The following THAP12 variants were observed in gnomAD, a reference collection of about 807,000 sequenced individuals.
THAP12 encodes the protein THAP domain containing 12.
Under a neutral mutation model 63.0 loss-of-function variants are expected in THAP12, and 20 were observed. The observed-to-expected ratio is 0.32, with a 90% CI of 0.22 to 0.46. THAP12 has a LOEUF of 0.46. Ranked by LOEUF, THAP12 falls within the 20% of genes least tolerant of loss-of-function variation. The probability of loss-of-function intolerance (pLI) is 1.00; values close to 1 mark genes in which losing one functional copy is unlikely to be tolerated. For missense variants in THAP12, 568 were observed against 908.2 expected (o/e 0.63, Z 4.81); for synonymous variants, 264 against 328.4 (o/e 0.80, Z 2.12).
rs182602411 is a variant in THAP12 at position 76,377,123 on chromosome 11, C to G, written c.89+3625G>C. ...GCTCACTCCTTAGATAACCTTAACC[C>G]GTACCACGGTTTTAAATACCCTCTA... On this transcript the variant is annotated intron_variant, in intron 1 of 4. Coordinates refer to ENST00000260045, the MANE Select transcript of THAP12 (RefSeq NM_004705.4). Among the ~76,000 whole-genome samples, 923 of 152,278 alleles carry G rather than the reference C, an allele frequency of 6.1e-3. 6 individuals are homozygous for G. Among genetic ancestry groups the G allele is most frequent in the Non-Finnish European group, 0.011 (718 of 68,016 alleles).
At position 76,352,107 on chromosome 11, in the gene THAP12, A is replaced by G. The variant is rs770992036; in HGVS notation, c.1043T>C (p.Leu348Ser). The change falls in exon 5 of 5, where the codon TTA (leucine) becomes TCA (serine). Residue 348 changes from leucine to serine, a missense_variant. By Grantham distance (145) the Leu-to-Ser change is moderately radical (BLOSUM62 -2). Coordinates refer to ENST00000260045, the MANE Select transcript of THAP12 (RefSeq NM_004705.4). ...SKMKVVASRLLEKYPQAIYTL... is the reference protein window; with the variant it reads ...SKMKVVASRLSEKYPQAIYTL... ...GTAGATAGCTTGGGGATATTTCTCT[A>G]AAAGTCTAGAAGCAACAACTTTCAT... 7.4e-6 allele frequency: 12 copies of G among 1,611,664 alleles called. No homozygotes were observed. Among genetic ancestry groups the G allele is most frequent in the Admixed American group, 1.7e-5 (1 of 59,978 alleles).
At chr11:76,357,856 G>T (rs1014063002) in intron 3 of THAP12, 2 of 152,072 alleles carry the variant, frequency 1.3e-5, no homozygotes, top group African/African-American at 4.8e-5. Context: ...GGACCTAAGA[G>T]AGACTTTTAT....
At chr11:76,367,614 G>C (rs1351665428) in intron 1 of THAP12, among the ~76,000 whole-genome samples, 1 of 150,780 alleles carries the variant, frequency 6.6e-6, no homozygotes, top group Admixed American at 6.6e-5. Flanking sequence ...GTACAGATGG[G>C]GTTTCAGCAC....
At chr11:76,361,269 G>A (rs1946596180) in intron 2 of THAP12, 1 of 455,952 alleles carries the variant, frequency 2.2e-6, no homozygotes, top group Admixed American at 4.0e-5. Flanking sequence ...TATAAATTAA[G>A]AAACTGAATT....
intron 3 of THAP12, chr11:76,359,635 C>G (rs1048036101): frequency 6.6e-6 from 1 of 152,174 alleles, no homozygotes; most frequent in African/African-American, 2.4e-5. Context: ...GGAGACCAGC[C>G]TGGCTGACAT....
chr11:76,372,586 AT>A (rs1946682154), intron 1 of THAP12, among the ~76,000 whole-genome samples: 1 of 146,814 alleles, frequency 6.8e-6, no homozygotes, highest in African/African-American at 2.6e-5. Context: ...GAACTGTTAC[AT>A]TTAAAAAAAA....
At chr11:76,359,691 G>A (rs2134503539) in intron 3 of THAP12, 1 of 152,266 alleles carries the variant, frequency 6.6e-6, no homozygotes, top group South Asian at 2.1e-4. Flanking sequence ...GTCAGGCGTG[G>A]TGGTGAGCGC....
At chr11:76,365,325 G>A (rs951571382) in intron 2 of THAP12, among the ~76,000 whole-genome samples, 1 of 151,774 alleles carries the variant, frequency 6.6e-6, no homozygotes, top group Non-Finnish European at 1.5e-5. Context: ...GTTACCTTGG[G>A]TGAGTAGAAA....
At chr11:76,367,636 T>G (rs1434619108) in intron 1 of THAP12, among the ~76,000 whole-genome samples, 2 of 151,162 alleles carry the variant, frequency 1.3e-5, no homozygotes, top group East Asian at 3.9e-4. Flanking sequence ...TTGGCTAGCT[T>G]GGTCTCGAAC....
intron 1 of THAP12, among the ~76,000 whole-genome samples, chr11:76,373,172 C>A (rs1008543551): frequency 4.6e-5 from 7 of 151,562 alleles, no homozygotes; most frequent in Non-Finnish European, 7.4e-5. Flanking sequence ...ATGGCGAAAC[C>A]CTGTCTCTAC....
chr11:76,358,306 T>C (rs1459354987), intron 3 of THAP12: 1 of 151,914 alleles, frequency 6.6e-6, no homozygotes, highest in Non-Finnish European at 1.5e-5. Flanking sequence ...GATTCACAAA[T>C]GTAAAATCCT....
chr11:76,366,555 C>A (rs1946632553), intron 1 of THAP12, among the ~76,000 whole-genome samples: 1 of 152,182 alleles, frequency 6.6e-6, no homozygotes, highest in Non-Finnish European at 1.5e-5. Context: ...GCGGCGAGCG[C>A]CTGTAGTCCC....
chr11:76,364,537 A>C, intron 2 of THAP12: 1 of 256,626 alleles, frequency 3.9e-6, no homozygotes, highest in South Asian at 3.4e-5. Context: ...AGTTACACTG[A>C]AACAAGTCTG....
chr11:76,355,373 G>A (rs1946554309), intron 4 of THAP12, among the ~76,000 whole-genome samples: 1 of 152,236 alleles, frequency 6.6e-6, no homozygotes, highest in Non-Finnish European at 1.5e-5. Context: ...CACACTGAGA[G>A]AGGAGGCGTC....
chr11:76,372,416 A>AAG (rs1946680944), intron 1 of THAP12, among the ~76,000 whole-genome samples: 1 of 151,274 alleles, frequency 6.6e-6, no homozygotes, highest in Non-Finnish European at 1.5e-5. Flanking sequence ...CTAAAAAAAA[A>AAG]AAAGAGAGAG....
intron 4 of THAP12, among the ~76,000 whole-genome samples, chr11:76,353,365 T>G (rs1565231019): frequency 6.6e-6 from 1 of 152,330 alleles, no homozygotes; most frequent in East Asian, 1.9e-4. Flanking sequence ...ACAAGGACAC[T>G]AAGTAACTTG....
At chr11:76,378,675 G>A (rs1440650954) in intron 1 of THAP12, among the ~76,000 whole-genome samples, 3 of 151,438 alleles carry the variant, frequency 2.0e-5, no homozygotes, top group Admixed American at 6.6e-5. Context: ...GCAGTGGCAC[G>A]ATCTCGGCTC....
intron 1 of THAP12, among the ~76,000 whole-genome samples, chr11:76,379,728 C>T (rs968666506): frequency 3.9e-5 from 6 of 152,102 alleles, no homozygotes; most frequent in Non-Finnish European, 8.8e-5. Flanking sequence ...TATCATCATC[C>T]GACACACTAC....
intron 1 of THAP12, 70 bp from the exon 2 acceptor site, chr11:76,366,042 G>A: frequency 1.3e-6 from 2 of 1,518,336 alleles, no homozygotes; most frequent in Non-Finnish European, 1.8e-6. Flanking sequence ...CAGTTTTAAG[G>A]CAAACATACA....
Sources: allele counts gnomAD v4.1 joint callset (sites outside exome capture counted in the v4.1 genomes callset), GRCh38; gene constraint gnomAD v4.1.1; transcripts MANE v1.5; gene names NCBI Gene and HGNC (gene_info 2026-07-23, HGNC 2026-07-21).